The following MGAT5B variants were observed in gnomAD, a reference collection of about 807,000 sequenced individuals.
MGAT5B encodes N-acetylglucosaminyl-transferase Vb.
MGAT5B carries 54 observed loss-of-function variants against 95.1 expected under a neutral mutation model. The observed-to-expected ratio is 0.57, with a 90% CI of 0.46 to 0.71. MGAT5B has a LOEUF of 0.71. Among genes scored for constraint, MGAT5B ranks in the 30% least tolerant of loss-of-function variants. The pLI is 0.00. For missense variants in MGAT5B, 935 were observed against 1,088.6 expected, an observed-to-expected ratio of 0.86 and a Z score of 1.99; for synonymous variants, 464 against 451.0, an observed-to-expected ratio of 1.03 and a Z score of -0.36.
At chr17:76,896,427 G>A (rs1177459948) in intron 3 of MGAT5B, among the ~76,000 whole-genome samples, 1 of 152,200 alleles carries the variant, frequency 6.6e-6, no homozygotes, top group East Asian at 1.9e-4. Flanking sequence ...CAGGAAAATT[G>A]CTGAATCCCC....
At chr17:76,882,089 G>A in intron 2 of MGAT5B, 62 bp from the exon 3 acceptor site, 1 of 1,532,720 alleles carries the variant, frequency 6.5e-7, no homozygotes, top group Non-Finnish European at 8.8e-7. Flanking sequence ...CCCCAGCTCG[G>A]ACACCAGGTG....
rs1024371038 is a variant in MGAT5B, at chr17:76,940,333, G to A, written c.1585-69G>A. 29 of 1,482,880 alleles carry A rather than the reference G, an allele frequency of 2.0e-5. No homozygotes were observed. The African/African-American group carries it at 3.0e-4, about 15-fold the overall frequency. 91.9% of individuals were successfully genotyped at this position (1,482,880 alleles called of 1,614,324 possible). ...TATCCCGAAGCCTCACCTTGTCCCC[G>A]GCATCCTGGTGCTTACTGGGCTGTG... is the stretch of plus-strand genomic sequence containing the variant. On this transcript the variant is annotated intron_variant, in intron 13 of 17. Transcript: ENST00000569840. The surrounding 1 kb of genome is among the most constrained non-coding windows in gnomAD (Gnocchi z 4.3).
intron 8 of MGAT5B, among the ~76,000 whole-genome samples, chr17:76,921,644 C>G (rs551301782): frequency 1.3e-5 from 2 of 151,922 alleles, no homozygotes; most frequent in African/African-American, 4.8e-5. Context: ...TCCTGGGGGG[C>G]GCAGGGTGTG....
At chr17:76,872,677 C>T in intron 1 of MGAT5B, 174 bp from the exon 2 acceptor site, 5 of 1,521,384 alleles carry the variant, frequency 3.3e-6, no homozygotes, top group East Asian at 2.5e-5. Context: ...CTCTCTTTAT[C>T]CTATAGTGGG....
At chr17:76,925,225 C>G (rs1969267763) in intron 9 of MGAT5B, 128 bp downstream of exon 9, 1 of 875,964 alleles carries the variant, frequency 1.1e-6, no homozygotes, top group Admixed American at 2.4e-5. Context: ...TGTCCTGCAT[C>G]CTGCCCTCCG....
intron 8 of MGAT5B, chr17:76,923,948 C>T (rs894385354): frequency 9.2e-5 from 14 of 152,118 alleles, no homozygotes; most frequent in African/African-American, 2.7e-4. Context: ...GTACATCCCA[C>T]CTGACTCAGG....
In MGAT5B at chr17:76,930,503, G is replaced by T. The variant is rs76488434; in HGVS notation, c.1292-2142G>T. ...ACCATAGCCCCTTCCGTGCGGGAAG[G>T]TAGATTAAATATCCTTGGACTCAAT... On this transcript the variant is annotated intron_variant, in intron 10 of 17. Transcript: ENST00000569840. The surrounding 1 kb of genome is among the most constrained non-coding windows in gnomAD (Gnocchi z 4.1). Among the ~76,000 whole-genome samples the T allele has an allele frequency of 3.3e-4, 51 of 152,276 alleles. 2 individuals are homozygous for T. In the East Asian group the frequency reaches 9.1e-3, roughly 27 times the overall value.
At chr17:76,920,978 C>T (rs1443529314) in intron 8 of MGAT5B, among the ~76,000 whole-genome samples, 1 of 152,190 alleles carries the variant, frequency 6.6e-6, no homozygotes, top group Non-Finnish European at 1.5e-5. Context: ...TAAAGATGAC[C>T]TGACCCTGCC....
intron 17 of MGAT5B, 23 bp from the exon 18 acceptor site, chr17:76,948,617 C>T (rs368660890): frequency 3.7e-5 from 59 of 1,599,598 alleles, no homozygotes; most frequent in African/African-American, 2.7e-4. Context: ...CGCTGAGTGA[C>T]GGTGCTGTGT....
At chr17:76,937,954 A>T (rs774532088) in intron 12 of MGAT5B, 34 bp from the exon 13 acceptor site, 1 of 1,607,714 alleles carries the variant, frequency 6.2e-7, no homozygotes, top group African/African-American at 1.3e-5. Flanking sequence ...TGTGGTTTGC[A>T]TGTGGTTCCC....
At position 76,946,432 on chromosome 17, in the gene MGAT5B, C is replaced by A. The variant is rs752052918; in HGVS notation, c.1905C>A (p.His635Gln). The A allele has an allele frequency of 6.3e-6, 10 of 1,598,086 alleles. No homozygotes were observed. The East Asian group carries it at 2.1e-4, about 33-fold the overall frequency. The part of the protein sequence containing the change: ...YTCEGMLERI[H>Q]AYIQHQDFCR... The stretch of plus-strand genomic sequence containing the variant: ...GCGAGGGGATGCTGGAGCGGATCCA[C>A]GCCTACATCCAGCACCAGGTCAGTG... Residue 635 changes from histidine to glutamine, a missense_variant, in exon 16 of 18, where the codon CAC (histidine) becomes CAA (glutamine). Around this residue, in one of 4 missense-constraint regions of MGAT5B, gnomAD observed 440 missense variants for 523.6 expected, o/e 0.84. Transcript: ENST00000569840.
rs930915224 is a variant in MGAT5B at position 76,943,449 on chromosome 17, G to A, written c.1848+2601G>A. Among the ~76,000 whole-genome samples, 3 of 152,178 alleles carry A rather than the reference G, an allele frequency of 2.0e-5. No individual in the cohort carries two copies. The South Asian group carries it at 6.2e-4, about 32-fold the overall frequency. ...TTATGTGCCCAAGAGTCACCCGGGG[G>A]GAGGGCCTTAAATGCAGATCCTCGA... On this transcript the variant is annotated intron_variant, in intron 15 of 17. Transcript: ENST00000569840.
Position 76,872,950 on chromosome 17 carries a change from C to T in MGAT5B, c.168C>T (p.Thr56=). ...SARRLGDSPF[T]IRTEVMGGPE... ...GGCGCCTGGGGGACTCGCCATTCAC[C>T]ATCCGCACAGAAGGTACCTTGGTGG... Residue 56 remains threonine (T), a synonymous_variant, in exon 2 of 18, where the codon ACC becomes ACT. Coordinates refer to ENST00000569840, the MANE Select transcript of MGAT5B (RefSeq NM_001199172.2). 2 of 1,613,980 alleles carry T rather than the reference C, an allele frequency of 1.2e-6. No homozygotes were observed. Among genetic ancestry groups the T allele is most frequent in the South Asian group, 2.2e-5 (2 of 91,084 alleles).
At chr17:76,896,229 C>T (rs375567393) in intron 3 of MGAT5B, among the ~76,000 whole-genome samples, 20 of 152,212 alleles carry the variant, frequency 1.3e-4, no homozygotes, top group African/African-American at 4.6e-4. Flanking sequence ...AAAAACCTCT[C>T]AGGGAGAGAA....
At position 76,906,664 on chromosome 17, in the gene MGAT5B, G is replaced by C. The variant is rs1049105369; in HGVS notation, c.1025+477G>C. Reference sequence around the variant, plus strand: ...CCTTACCCAGTGCTGGGCTTTTCACGGTCCCTTGGATGCTGTGGGAGGTGG... The same window carrying C: ...CCTTACCCAGTGCTGGGCTTTTCACCGTCCCTTGGATGCTGTGGGAGGTGG... On this transcript the variant is annotated intron_variant, in intron 8 of 17. Transcript: ENST00000569840. This position sits in a 1 kb window ranked among gnomAD's most constrained non-coding sequence, Gnocchi z 4.6. Among the ~76,000 whole-genome samples, 4 of 152,046 alleles carry C rather than the reference G, an allele frequency of 2.6e-5. No individual in the cohort carries two copies. Among genetic ancestry groups the C allele is most frequent in the African/African-American group, 9.7e-5 (4 of 41,384 alleles).
intron 13 of MGAT5B, among the ~76,000 whole-genome samples, chr17:76,939,029 G>GGGGGGGTGTGTGT (rs1237086611): frequency 1.1e-4 from 14 of 128,190 alleles, no homozygotes; most frequent in African/African-American, 3.7e-4. Flanking sequence ...GCATCTTGGG[G>GGGGGGGTGTGTGT]GTGTGTGTGT....
chr17:76,947,667 G>T (rs927000269), intron 16 of MGAT5B, among the ~76,000 whole-genome samples, 163 bp from the exon 17 acceptor site: 1 of 152,234 alleles, frequency 6.6e-6, no homozygotes, highest in Non-Finnish European at 1.5e-5. Context: ...AGACACGAGT[G>T]TCCATGAGAA....
At chr17:76,871,640 T>C (rs1337025911) in intron 1 of MGAT5B, among the ~76,000 whole-genome samples, 1 of 152,262 alleles carries the variant, frequency 6.6e-6, no homozygotes, top group Non-Finnish European at 1.5e-5. Flanking sequence ...AAGCAAGTCT[T>C]GCATAAAGAC....
chr17:76,896,088 T>G (rs1968056082), intron 3 of MGAT5B, among the ~76,000 whole-genome samples: 1 of 152,340 alleles, frequency 6.6e-6, no homozygotes, highest in Admixed American at 6.5e-5. Context: ...CCAGACCACA[T>G]AGGCTGAAGG....
Sources: allele counts gnomAD v4.1 joint callset (sites outside exome capture counted in the v4.1 genomes callset), GRCh38; gene constraint gnomAD v4.1.1; regional missense constraint gnomAD v4.1.1; non-coding constraint Gnocchi (gnomAD v3.1); transcripts MANE v1.5; gene names NCBI Gene and HGNC (gene_info 2026-07-23, HGNC 2026-07-21).